TCN1: variants seen among roughly 807,000 people sequenced by gnomAD.
The protein encoded by TCN1 is transcobalamin-1.
TCN1 carries 47 observed loss-of-function variants against 46.3 expected under a neutral mutation model. That is an observed-to-expected ratio of 1.01 (90% CI 0.80 to 1.29). The LOEUF (loss-of-function observed/expected upper bound fraction) is 1.29, where lower values mean the gene tolerates loss of function less well. TCN1 is among the 50% of genes most tolerant of loss of function. The pLI, the probability that TCN1 is intolerant of heterozygous loss-of-function variation, is 0.00. For missense variants in TCN1, 532 were observed against 511.0 expected, an observed-to-expected ratio of 1.04 and a Z score of -0.40; for synonymous variants, 183 against 192.5, an observed-to-expected ratio of 0.95 and a Z score of 0.41.
chr11:59,858,961 C>T, intron 5 of TCN1, 116 bp downstream of exon 5: 1 of 1,205,492 alleles, frequency 8.3e-7, no homozygotes, highest in Non-Finnish European at 1.2e-6. Flanking sequence ...TGAGCTCGCA[C>T]CATTGCAACT....
chr11:59,864,840 C>A (rs1338807728), intron 1 of TCN1, among the ~76,000 whole-genome samples: 2 of 152,102 alleles, frequency 1.3e-5, no homozygotes, highest in East Asian at 1.9e-4. Flanking sequence ...TGAGGAGTAG[C>A]CCCAAATCCT....
chr11:59,854,744 A>G lies in TCN1; in HGVS notation c.1029T>C (p.Asn343=), dbSNP rs769294841. The part of the protein sequence containing the change: ...YISVNYSVRI[N]ETYFTNVTVL... Reference sequence around the variant, plus strand: ...CAGTGACATTGGTGAAATATGTTTCATTGATTCTCACAGAGTAATTGACGG... The same window carrying G: ...CAGTGACATTGGTGAAATATGTTTCGTTGATTCTCACAGAGTAATTGACGG... The change falls in exon 7 of 9, where the codon AAT becomes AAC. Residue 343 remains asparagine, a synonymous_variant. Coordinates refer to ENST00000257264, the MANE Select transcript of TCN1 (RefSeq NM_001062.4). 21 of 1,613,940 alleles carry G rather than the reference A, an allele frequency of 1.3e-5. No homozygotes were observed. The highest frequency in any genetic ancestry group is 1.7e-5 in the Non-Finnish European group (20 of 1,179,940).
intron 4 of TCN1, among the ~76,000 whole-genome samples, chr11:59,859,928 G>A (rs1852998932): frequency 6.6e-6 from 1 of 152,206 alleles, no homozygotes. Context: ...CCCAGGCCAT[G>A]GAGCCCAGCT....
rs374026621 is a variant in TCN1 at position 59,864,020 on chromosome 11, T to A, written c.146A>T (p.Asn49Ile). ...LLNTMIQSNY[N>I]RGTSAVNVVL... ...AACATTGACAGCGCTGGTTCCCCTGTTATAGTTTGACTGGATCATTGTATT... is the reference window on the plus strand; with the variant it reads ...AACATTGACAGCGCTGGTTCCCCTGATATAGTTTGACTGGATCATTGTATT... The change falls in exon 2 of 9, where the codon AAC (asparagine) becomes ATC (isoleucine). Residue 49 changes from asparagine (N) to isoleucine (I), a missense_variant. By Grantham distance (149) the Asn-to-Ile change is moderately radical. Transcript: ENST00000257264. 5.6e-6 allele frequency: 9 copies of A among 1,613,862 alleles called. No homozygotes were observed. The African/African-American group carries it at 8.0e-5, about 14-fold the overall frequency.
rs767364910 is a variant in TCN1, at chr11:59,862,721, C to T, written c.261G>A (p.Leu87=). The part of the protein sequence containing the change: ...QQIKYNVKSR[L]SDVSSGELAL... Reference sequence around the variant, plus strand: ...CAAGCTCTCCCGAGCTTACATCTGACACTGAAAAGAAAAGTATTCAAGCTT... The same window carrying T: ...CAAGCTCTCCCGAGCTTACATCTGATACTGAAAAGAAAAGTATTCAAGCTT... The change falls in exon 3 of 9, where the codon TTG becomes TTA. Residue 87 remains leucine (L), a splice_region_variant and synonymous_variant. Coordinates refer to ENST00000257264, the MANE Select transcript of TCN1 (RefSeq NM_001062.4). 12 of 1,613,294 alleles carry T rather than the reference C, an allele frequency of 7.4e-6. No individual in the cohort carries two copies. Among genetic ancestry groups the T allele is most frequent in the Non-Finnish European group, 9.3e-6 (11 of 1,179,734 alleles).
chr11:59,862,341 G>A (rs1199197803), intron 3 of TCN1, among the ~76,000 whole-genome samples: 3 of 152,116 alleles, frequency 2.0e-5, no homozygotes, highest in Non-Finnish European at 4.4e-5. Flanking sequence ...GTGTGTATGT[G>A]TGTGTGTGTT....
intron 1 of TCN1, among the ~76,000 whole-genome samples, chr11:59,865,859 C>T (rs1853067713): frequency 6.6e-6 from 1 of 152,134 alleles, no homozygotes; most frequent in Admixed American, 6.5e-5. Flanking sequence ...GAACTTTATC[C>T]CATGTGTCCT....
At position 59,859,235 on chromosome 11, in the gene TCN1, A is replaced by G; in HGVS notation, c.589T>C (p.Cys197Arg). ...TGAMAVLALT[C>R]VKKSLINGQI... ...CCATTTATTAGACTCTTCTTCACACAGGTCAGAGCCAGGACAGCCATTGCA... is the reference window on the plus strand; with the variant it reads ...CCATTTATTAGACTCTTCTTCACACGGGTCAGAGCCAGGACAGCCATTGCA... The change falls in exon 5 of 9, where the codon TGT (cysteine) becomes CGT (arginine). Residue 197 changes from cysteine to arginine, a missense_variant. Coordinates refer to ENST00000257264, the MANE Select transcript of TCN1 (RefSeq NM_001062.4). The G allele has an allele frequency of 1.2e-6, 2 of 1,613,980 alleles. No individual in the cohort carries two copies. The highest frequency in any genetic ancestry group is 8.5e-7 in the Non-Finnish European group (1 of 1,180,030).
chr11:59,861,582 G>C lies in TCN1; in HGVS notation c.501C>G (p.Val167=). Residue 167 remains valine, a synonymous_variant, in exon 4 of 9, where the codon GTC becomes GTG. Transcript: ENST00000257264. Reference sequence around the variant, plus strand: ...TTTTATTTTCAGGAGTGAAGTGGTTGACAACTTCGGCGGTTGAGTAGTTCC... The same window carrying C: ...TTTTATTTTCAGGAGTGAAGTGGTTCACAACTTCGGCGGTTGAGTAGTTCC... The part of the protein sequence containing the change: ...FNGNYSTAEV[V]NHFTPENKNY... 6.2e-7 allele frequency: 1 copy of C among 1,614,132 alleles called. No homozygotes were observed. Among genetic ancestry groups the C allele is most frequent in the Non-Finnish European group, 8.5e-7 (1 of 1,179,982 alleles).
chr11:59,862,499 G>C, intron 3 of TCN1, 83 bp downstream of exon 3: 1 of 1,517,022 alleles, frequency 6.6e-7, no homozygotes, highest in Non-Finnish European at 9.1e-7. Context: ...GAGAAGGAAA[G>C]AGTGGAGGGA....
At chr11:59,856,080 G>T (rs761452293) in intron 5 of TCN1, 22 bp from the exon 6 acceptor site, 7 of 1,325,338 alleles carry the variant, frequency 5.3e-6, no homozygotes, top group East Asian at 2.6e-5. Flanking sequence ...GGGTGGGGTG[G>T]GGGGGTGATG....
At position 59,854,702 on chromosome 11, in the gene TCN1, G is replaced by T. The variant is rs911205313; in HGVS notation, c.1071C>A (p.Val357=). ...FTNVTVLNGS[V]FLSVMEKAQK... ...GGGCTTTCTCCATCACACTGAGGAA[G>T]ACAGAACCATTTAGCACAGTGACAT... Residue 357 remains valine, a synonymous_variant, in exon 7 of 9, where the codon GTC becomes GTA. Transcript: ENST00000257264. 1.9e-6 allele frequency: 3 copies of T among 1,613,970 alleles called. No homozygotes were observed. Among genetic ancestry groups the T allele is most frequent in the Non-Finnish European group, 2.5e-6 (3 of 1,179,898 alleles).
At position 59,859,091 on chromosome 11, in the gene TCN1, C is replaced by T; in HGVS notation, c.733G>A (p.Gly245Arg). 6.2e-7 allele frequency: 1 copy of T among 1,613,406 alleles called. No individual in the cohort carries two copies. The change falls in exon 5 of 9, where the codon GGA (glycine) becomes AGA (arginine). Residue 245 changes from glycine to arginine, a missense_variant. Transcript: ENST00000257264. ...NGLIGNTFST[G>R]EAMQALFVSS... Reference sequence around the variant, plus strand: ...CTCTGACTTACCTGCATGGCTTCTCCTGTGCTAAATGTGTTTCCAATGAGA... The same window carrying T: ...CTCTGACTTACCTGCATGGCTTCTCTTGTGCTAAATGTGTTTCCAATGAGA...
At chr11:59,856,139 G>GCTTCCCCCTTATTT in intron 5 of TCN1, 81 bp from the exon 6 acceptor site, 3 of 1,167,010 alleles carry the variant, frequency 2.6e-6, no homozygotes, top group African/African-American at 1.5e-5. Flanking sequence ...CAAATAAGGG[G>GCTTCCCCCTTATTT]GAAGCCTTAT....
Position 59,852,833 on chromosome 11 carries a change from T to G in TCN1, c.*142A>C. 2.5e-6 allele frequency: 2 copies of G among 802,508 alleles called. No individual in the cohort carries two copies. The highest frequency in any genetic ancestry group is 4.4e-6 in the Non-Finnish European group (2 of 455,094). 49.7% of individuals were successfully genotyped at this position (802,508 alleles called of 1,614,324 possible). ...TATAGTTGTTAATCTTTCAACAACTTTTATTGAACATGTAGAGAGAGAAGG... is the reference window on the plus strand; with the variant it reads ...TATAGTTGTTAATCTTTCAACAACTGTTATTGAACATGTAGAGAGAGAAGG... On this transcript the variant is annotated 3_prime_UTR_variant, in exon 9 of 9. Transcript: ENST00000257264.
intron 5 of TCN1, 27 bp from the exon 6 acceptor site, chr11:59,856,085 G>GGGGGGGA: frequency 1.7e-6 from 1 of 585,330 alleles, no homozygotes; most frequent in Non-Finnish European, 3.2e-6. Flanking sequence ...GGGTGGGGGG[G>GGGGGGGA]TGATGAGAGA....
At chr11:59,861,374 C>T (rs1853012463) in intron 4 of TCN1, among the ~76,000 whole-genome samples, 153 bp downstream of exon 4, 2 of 152,124 alleles carry the variant, frequency 1.3e-5, no homozygotes, top group South Asian at 4.2e-4. Flanking sequence ...ATCCATCATC[C>T]ATTCTTCTCA....
At chr11:59,864,220 G>A in intron 1 of TCN1, 134 bp from the exon 2 acceptor site, 1 of 1,009,704 alleles carries the variant, frequency 9.9e-7, no homozygotes. Flanking sequence ...AGACTGTGTT[G>A]GTGGAATAAT....
chr11:59,853,456 A>G, intron 7 of TCN1, 135 bp from the exon 8 acceptor site: 1 of 850,002 alleles, frequency 1.2e-6, no homozygotes, highest in Non-Finnish European at 2.0e-6. Flanking sequence ...GGCCCTATCC[A>G]TAGATATTTT....
Sources: gnomAD v4.1 joint callset for allele counts (sites outside exome capture counted in the v4.1 genomes callset) on GRCh38, gnomAD v4.1.1 for gene constraint, MANE v1.5 for transcripts, NCBI Gene and HGNC (gene_info 2026-07-23, HGNC 2026-07-21) for gene names.